The following GALNT14 variants were observed in gnomAD, a reference collection of about 807,000 sequenced individuals.
GALNT14 encodes UDP-GalNAc:polypeptide N-acetylgalactosaminyltransferase 14.
Under a neutral mutation model 77.5 loss-of-function variants are expected in GALNT14, and 60 were observed. The observed-to-expected ratio is 0.77, with a 90% CI of 0.63 to 0.96. The LOEUF (loss-of-function observed/expected upper bound fraction) is 0.96, where lower values mean the gene tolerates loss of function less well. Ranked by LOEUF, GALNT14 falls within the 40% of genes least tolerant of loss-of-function variation. GALNT14 has a pLI of 0.00. For missense variants in GALNT14, 710 were observed against 731.0 expected (o/e 0.97, Z 0.33); for synonymous variants, 280 against 281.7 (o/e 0.99, Z 0.06).
At chr2:31,120,392 A>T (rs1232615912) in intron 1 of GALNT14, among the ~76,000 whole-genome samples, 1 of 152,240 alleles carries the variant, frequency 6.6e-6, no homozygotes, top group East Asian at 1.9e-4. Flanking sequence ...TGCTTATCTC[A>T]AAGGGGGTGA....
intron 2 of GALNT14, among the ~76,000 whole-genome samples, chr2:30,970,539 G>A (rs146008717): frequency 1.1e-4 from 17 of 152,178 alleles, no homozygotes; most frequent in Admixed American, 1.0e-3. Flanking sequence ...TCAGCTCATC[G>A]ACTAGAATCA....
At chr2:31,078,998 T>G in intron 1 of GALNT14, 1 of 1,288,728 alleles carries the variant, frequency 7.8e-7, no homozygotes, top group Non-Finnish European at 1.0e-6. Flanking sequence ...GGAGCTACAG[T>G]GGGCTGCTGA....
chr2:30,948,325 T>C (rs547608563), intron 6 of GALNT14, among the ~76,000 whole-genome samples: 2 of 152,302 alleles, frequency 1.3e-5, no homozygotes, highest in Admixed American at 1.3e-4. Context: ...TCCTGGGAGG[T>C]AACCTCTAAC....
intron 10 of GALNT14, 105 bp downstream of exon 10, chr2:30,931,963 G>T: frequency 8.5e-7 from 1 of 1,182,038 alleles, no homozygotes; most frequent in Non-Finnish European, 1.1e-6. Context: ...AAATCACACA[G>T]GCAGCCTAAC....
chr2:30,915,306 G>A lies in GALNT14; in HGVS notation c.1381-2964C>T, dbSNP rs548245783. 2.0e-5 allele frequency among the ~76,000 whole-genome samples: 3 copies of A among 152,262 alleles called. No individual in the cohort carries two copies. The East Asian group carries it at 5.8e-4, about 30-fold the overall frequency. On this transcript the variant is annotated intron_variant, in intron 13 of 14. Coordinates refer to ENST00000349752, the MANE Select transcript of GALNT14 (RefSeq NM_024572.4). The stretch of plus-strand genomic sequence containing the variant: ...CATTTGGGCATCTGGTGTGTCCCCA[G>A]GCCGGGACTTGATGAAAACATCTCA...
At chr2:31,125,137 A>T (rs1379821199) in intron 1 of GALNT14, 1 of 1,527,266 alleles carries the variant, frequency 6.5e-7, no homozygotes, top group African/African-American at 1.4e-5. Flanking sequence ...ACTCCTGGGG[A>T]CACACAGTCA....
At chr2:30,986,326 A>G (rs1669297078) in intron 2 of GALNT14, among the ~76,000 whole-genome samples, 1 of 152,194 alleles carries the variant, frequency 6.6e-6, no homozygotes, top group Non-Finnish European at 1.5e-5. Context: ...CCTGAAATCA[A>G]AGCAACCCCA....
At chr2:30,985,150 G>GTGAATGAA (rs58766997) in intron 2 of GALNT14, among the ~76,000 whole-genome samples, 3,409 of 151,286 alleles carry the variant, frequency 0.023, 120 homozygotes, top group African/African-American at 0.077. Context: ...AAATGAGTGA[G>GTGAATGAA]TGAATGAATG....
Position 31,000,969 on chromosome 2 carries a change from G to C in GALNT14, c.130-7962C>G, listed in dbSNP as rs548389139. On this transcript the variant is annotated intron_variant, in intron 1 of 14. Coordinates refer to ENST00000349752, the MANE Select transcript of GALNT14 (RefSeq NM_024572.4). ...AACTATATCCCCAATTTTCAAATGA[G>C]GAAAGTGAGGCACAGGGAGGATAAA... Among the ~76,000 whole-genome samples, 40 of 152,278 alleles carry C rather than the reference G, an allele frequency of 2.6e-4. 1 individual carries two copies. In the South Asian group the frequency reaches 7.9e-3, roughly 30 times the overall value.
At position 30,976,695 on chromosome 2, in the gene GALNT14, G is replaced by T. The variant is rs117126360; in HGVS notation, c.300-10393C>A. Among the ~76,000 whole-genome samples, 16 of 152,288 alleles carry T rather than the reference G, an allele frequency of 1.1e-4. No homozygotes were observed. In the East Asian group the frequency reaches 3.1e-3, roughly 29 times the overall value. ...GCAGAGCCTAGCTGGGACAGAAAGTGTGGAGTTGGGCCAAGACTTATTTTT... is the reference window on the plus strand; with the variant it reads ...GCAGAGCCTAGCTGGGACAGAAAGTTTGGAGTTGGGCCAAGACTTATTTTT... On this transcript the variant is annotated intron_variant, in intron 2 of 14. Coordinates refer to ENST00000349752, the MANE Select transcript of GALNT14 (RefSeq NM_024572.4).
rs531916738 is a variant in GALNT14, at chr2:30,929,986, C to T, written c.1059-499G>A. Among the ~76,000 whole-genome samples the T allele has an allele frequency of 7.2e-4, 110 of 152,216 alleles. 3 individuals carry two copies. The highest frequency in any genetic ancestry group is 2.6e-4 in the Non-Finnish European group (18 of 68,048). On this transcript the variant is annotated intron_variant, in intron 10 of 14. Transcript: ENST00000349752. ...ATGAGGTCAGGTGTGGAATTTGCCACCTGTGGCATCATGTGGGTGCTCAGA... is the reference window on the plus strand; with the variant it reads ...ATGAGGTCAGGTGTGGAATTTGCCATCTGTGGCATCATGTGGGTGCTCAGA...
At chr2:31,129,070 A>G (rs902339600) in intron 1 of GALNT14, among the ~76,000 whole-genome samples, 2 of 152,194 alleles carry the variant, frequency 1.3e-5, no homozygotes, top group African/African-American at 4.8e-5. Context: ...AAACAAACAT[A>G]TAACATACAC....
At chr2:31,075,491 G>T (rs1034796247) in intron 1 of GALNT14, among the ~76,000 whole-genome samples, 7 of 152,184 alleles carry the variant, frequency 4.6e-5, no homozygotes, top group Non-Finnish European at 1.0e-4. Flanking sequence ...CTGGAGATCG[G>T]CTTGAAAAGT....
chr2:30,908,688 C>CACAGAATTGGAA (rs1664211669), downstream of GALNT14, among the ~76,000 whole-genome samples: 1 of 92,640 alleles, frequency 1.1e-5, no homozygotes. Flanking sequence ...TGACTTTCTT[C>CACAGAATTGGAA]ACAGAATTGG....
the GALNT14 span, among the ~76,000 whole-genome samples, chr2:30,887,464 A>G: frequency 6.6e-6 from 1 of 151,994 alleles, no homozygotes; most frequent in Non-Finnish European, 1.5e-5. Context: ...GCATTTTTCC[A>G]GTGATTAATA....
intron 1 of GALNT14, among the ~76,000 whole-genome samples, chr2:31,110,936 C>G (rs1329124866): frequency 1.3e-5 from 2 of 152,138 alleles, no homozygotes; most frequent in African/African-American, 4.8e-5. Context: ...ACTCTAACTC[C>G]AAATCTCTGA....
At position 30,924,184 on chromosome 2, in the gene GALNT14, G is replaced by A. The variant is rs1168451392; in HGVS notation, c.1315C>T (p.Gln439Ter). ...CTCAACTTTAGGTTTGGGGTTTCTT[G>A]GTTGTTCTGCCTTTGAGATTCCAGG... ...KCLESQRQNNQETPNLKLSPC... is the reference protein window; with the variant it reads ...KCLESQRQNN Residue 439 changes from glutamine to a stop codon, truncating the protein, a stop_gained, in exon 13 of 15, where the codon CAA (glutamine) becomes TAA (stop). Transcript: ENST00000349752. LOFTEE classifies it high-confidence loss of function. 2 of 1,614,100 alleles carry A rather than the reference G, an allele frequency of 1.2e-6. No homozygotes were observed. Among genetic ancestry groups the A allele is most frequent in the African/African-American group, 2.7e-5 (2 of 74,918 alleles).
intron 1 of GALNT14, among the ~76,000 whole-genome samples, chr2:31,119,378 G>A (rs1678271017): frequency 1.3e-5 from 2 of 152,004 alleles, no homozygotes; most frequent in African/African-American, 2.4e-5. Flanking sequence ...AAGATAAACC[G>A]TACAGTAGAA....
At chr2:30,938,446 A>G (rs1317253559) in intron 9 of GALNT14, among the ~76,000 whole-genome samples, 2 of 152,038 alleles carry the variant, frequency 1.3e-5, no homozygotes, top group African/African-American at 4.8e-5. Flanking sequence ...AAAAGCTAAA[A>G]GTAGGATGCA....
Sources: gnomAD v4.1 joint callset for allele counts (sites outside exome capture counted in the v4.1 genomes callset) on GRCh38, gnomAD v4.1.1 for gene constraint, MANE v1.5 for transcripts, NCBI Gene and HGNC (gene_info 2026-07-23, HGNC 2026-07-21) for gene names.